Variants in MEIKIN observed in about 807,000 individuals in gnomAD.
MEIKIN encodes the protein meiotic kinetochore factor.
At chr5:131,868,194 A>G (rs975384781) in intron 9 of MEIKIN, among the ~76,000 whole-genome samples, 4 of 152,084 alleles carry the variant, frequency 2.6e-5, no homozygotes, top group Non-Finnish European at 5.9e-5. Context: ...AATTCAGGTG[A>G]TCCTCCTACC....
In MEIKIN at chr5:131,807,254, G is replaced by A. The variant is rs1157174091; in HGVS notation, c.1104C>T (p.Ile368=). The change falls in exon 13 of 13, where the codon ATC becomes ATT. Residue 368 remains isoleucine, a synonymous_variant. Transcript: ENST00000442687. ...YSLPKDTPQD[I]IIKMA is the part of the protein sequence containing the mutation. ...TGTTTTTTCATGCCATTTTTATTATGATATCTGGAGAAAAAAAAATAACAA... is the reference window on the plus strand; with the variant it reads ...TGTTTTTTCATGCCATTTTTATTATAATATCTGGAGAAAAAAAAATAACAA... 5.0e-6 allele frequency: 2 copies of A among 397,926 alleles called. No individual in the cohort carries two copies. The highest frequency in any genetic ancestry group is 2.1e-5 in the African/African-American group (1 of 48,452). The allele number at this position is 397,926 out of a possible 1,614,324, so 24.6% of individuals were successfully genotyped here. A position where few individuals can be genotyped will look rare whatever the true frequency, so the allele number is the denominator to read the frequency against.
At chr5:131,895,970 G>T (rs1317134500) in intron 8 of MEIKIN, among the ~76,000 whole-genome samples, 1 of 152,108 alleles carries the variant, frequency 6.6e-6, no homozygotes, top group Non-Finnish European at 1.5e-5. Context: ...TCTTTTAATT[G>T]TGATGTTAGG....
At chr5:131,852,466 C>T (rs1379907461) in intron 10 of MEIKIN, among the ~76,000 whole-genome samples, 1 of 152,044 alleles carries the variant, frequency 6.6e-6, no homozygotes, top group African/African-American at 2.4e-5. Context: ...TGGAAACAGA[C>T]TAATACATAG....
intron 7 of MEIKIN, among the ~76,000 whole-genome samples, 160 bp downstream of exon 7, chr5:131,916,726 T>C (rs1751420648): frequency 6.6e-6 from 1 of 152,242 alleles, no homozygotes; most frequent in Admixed American, 6.5e-5. Context: ...TTTTGTTCAC[T>C]ACTATATCTC....
intron 5 of MEIKIN, among the ~76,000 whole-genome samples, chr5:131,931,556 TC>T (rs1036689853): frequency 2.0e-5 from 3 of 152,300 alleles, no homozygotes; most frequent in African/African-American, 7.2e-5. Context: ...ATCTTGCTCT[TC>T]CCCTCAGGGA....
rs1222509119 is a variant in MEIKIN at position 131,880,209 on chromosome 5, C to A, written c.704-1161G>T. Among the ~76,000 whole-genome samples, 3 of 152,198 alleles carry A rather than the reference C, an allele frequency of 2.0e-5. No individual in the cohort carries two copies. In the East Asian group the frequency reaches 5.8e-4, roughly 29 times the overall value. Reference sequence around the variant, plus strand: ...GGTTCAAGCGATTCTCCTGTCTCAGCCACCCGAGTAGCTGGGATTACAGGT... The same window carrying A: ...GGTTCAAGCGATTCTCCTGTCTCAGACACCCGAGTAGCTGGGATTACAGGT... On this transcript the variant is annotated intron_variant, in intron 8 of 12. Coordinates refer to ENST00000442687, the MANE Select transcript of MEIKIN (RefSeq NM_001303622.2).
chr5:131,937,747 A>G (rs1456016829), intron 4 of MEIKIN, among the ~76,000 whole-genome samples: 2 of 152,074 alleles, frequency 1.3e-5, no homozygotes, highest in East Asian at 1.9e-4. Context: ...CAGAAGTCCA[A>G]TGCCATTGAT....
intron 12 of MEIKIN, among the ~76,000 whole-genome samples, chr5:131,808,322 C>T (rs1772886409): frequency 6.6e-6 from 1 of 152,132 alleles, no homozygotes; most frequent in Non-Finnish European, 1.5e-5. Flanking sequence ...CTTATCTCAC[C>T]TACCCTTCAA....
chr5:131,900,825 C>T (rs1311500098), intron 8 of MEIKIN, among the ~76,000 whole-genome samples: 1 of 152,158 alleles, frequency 6.6e-6, no homozygotes, highest in Non-Finnish European at 1.5e-5. Flanking sequence ...CTGCTCCTGA[C>T]TGGTACAGAG....
intron 11 of MEIKIN, among the ~76,000 whole-genome samples, chr5:131,824,378 G>T (rs1389424753): frequency 6.6e-6 from 1 of 151,888 alleles, no homozygotes; most frequent in East Asian, 1.9e-4. Context: ...AACTTAGCCA[G>T]GTGTGGTGGT....
intron 9 of MEIKIN, among the ~76,000 whole-genome samples, chr5:131,855,554 G>A (rs539670639): frequency 6.6e-6 from 1 of 151,852 alleles, no homozygotes; most frequent in East Asian, 1.9e-4. Context: ...GGAGAAGAGG[G>A]GAATGGAGAG....
chr5:131,885,899 C>G (rs1282798942), intron 8 of MEIKIN, among the ~76,000 whole-genome samples: 1 of 152,032 alleles, frequency 6.6e-6, no homozygotes, highest in Non-Finnish European at 1.5e-5. Context: ...TGAGGAAATT[C>G]AAAGAAATTT....
intron 9 of MEIKIN, among the ~76,000 whole-genome samples, chr5:131,876,424 T>C (rs1010136960): frequency 8.7e-5 from 13 of 150,016 alleles, no homozygotes; most frequent in South Asian, 6.3e-4. Context: ...ATCAGAGAAA[T>C]GCAAATCAAA....
chr5:131,885,366 AGAGAGAGAGAGAGAGAGAGAGAG>A (rs1561743977), intron 8 of MEIKIN, among the ~76,000 whole-genome samples: 2,393 of 69,054 alleles, frequency 0.035, 245 homozygotes, highest in African/African-American at 0.075. Flanking sequence ...AGAGAGAGAG[AGAGAGAGAGAGAGAGAGAGAGAG>A]AGAGAGAGAG....
At chr5:131,907,226 T>C (rs1751256413) in intron 8 of MEIKIN, among the ~76,000 whole-genome samples, 1 of 151,914 alleles carries the variant, frequency 6.6e-6, no homozygotes, top group African/African-American at 2.4e-5. Context: ...CAAATGCTTA[T>C]ATCAAAAAGA....
Position 131,941,293 on chromosome 5 carries a change from G to T in MEIKIN, c.349+1342C>A, listed in dbSNP as rs917273701. Among the ~76,000 whole-genome samples, 53 of 146,888 alleles carry T rather than the reference G, an allele frequency of 3.6e-4. 3 individuals carry two copies. Among genetic ancestry groups the T allele is most frequent in the African/African-American group, 1.4e-3 (50 of 36,808 alleles). ...CTTGTCTCAGCCTCCCGAGTAGCTG[G>T]GATTACAGGCGCCTGCCACCACGCC... On this transcript the variant is annotated intron_variant, in intron 4 of 12. Transcript: ENST00000442687.
chr5:131,841,400 G>C (rs539023935), intron 11 of MEIKIN, among the ~76,000 whole-genome samples: 1 of 152,258 alleles, frequency 6.6e-6, no homozygotes, highest in South Asian at 2.1e-4. Context: ...GGTGCTAGTG[G>C]ATCCTAGGGT....
At chr5:131,891,886 C>A (rs1750927556) in intron 8 of MEIKIN, among the ~76,000 whole-genome samples, 1 of 152,290 alleles carries the variant, frequency 6.6e-6, no homozygotes, top group Non-Finnish European at 1.5e-5. Context: ...GTGCTTCCCT[C>A]AGAAGCTCTT....
rs946630463 is a variant in MEIKIN at position 131,911,860 on chromosome 5, G to C, written c.658C>G (p.Gln220Glu). 17 of 397,508 alleles carry C rather than the reference G, an allele frequency of 4.3e-5. No homozygotes were observed. The highest frequency in any genetic ancestry group is 6.7e-5 in the Non-Finnish European group (15 of 225,152). The allele number at this position is 397,508 out of a possible 1,614,324, so 24.6% of individuals were successfully genotyped here. ...HRKTVMTVAD[Q>E]NVSPKAKCAS... ...CACTTTGCTTTTGGAGAAACATTTT[G>C]ATCTGCTACTGTCATCACTCTATAA... The change falls in exon 8 of 13, where the codon CAA becomes GAA. Residue 220 changes from glutamine (Q) to glutamate (E), a missense_variant. Gln to Glu is a conservative substitution (Grantham distance 29). Coordinates refer to ENST00000442687, the MANE Select transcript of MEIKIN (RefSeq NM_001303622.2).
Sources: allele counts gnomAD v4.1 joint callset (sites outside exome capture counted in the v4.1 genomes callset), GRCh38; gene constraint gnomAD v4.1.1; transcripts MANE v1.5; gene names NCBI Gene and HGNC (gene_info 2026-07-23, HGNC 2026-07-21).